Variants in FAM110B observed in about 807,000 individuals in gnomAD.
FAM110B encodes the protein protein FAM110B.
FAM110B carries 6 observed loss-of-function variants against 20.4 expected under a neutral mutation model. The observed-to-expected ratio is 0.29, with a 90% CI of 0.16 to 0.58. The LOEUF (loss-of-function observed/expected upper bound fraction) is 0.58, where lower values mean the gene tolerates loss of function less well. FAM110B is among the 20% of genes least tolerant of loss of function. The pLI, the probability that FAM110B is intolerant of heterozygous loss-of-function variation, is 0.90. For missense variants in FAM110B, 434 were observed against 498.2 expected (o/e 0.87, Z 1.23); for synonymous variants, 226 against 214.1 (o/e 1.06, Z -0.49).
At chr8:58,027,076 A>G (rs983687799) in intron 1 of FAM110B, among the ~76,000 whole-genome samples, 5 of 152,186 alleles carry the variant, frequency 3.3e-5, no homozygotes, top group African/African-American at 1.2e-4. Flanking sequence ...CTTAGGCTAC[A>G]TCTTCCCTCT....
At chr8:58,057,126 C>T (rs2150583423) in intron 2 of FAM110B, among the ~76,000 whole-genome samples, 1 of 152,300 alleles carries the variant, frequency 6.6e-6, no homozygotes, top group East Asian at 1.9e-4. Context: ...ACTGCCACAA[C>T]AGCACACTCA....
At position 58,053,266 on chromosome 8, in the gene FAM110B, G is replaced by T. The variant is rs56215370; in HGVS notation, c.-414+21563G>T. On this transcript the variant is annotated intron_variant, in intron 2 of 3. Transcript: ENST00000519262. ...CAAGGGATGGTGGCTTGGGCCAGGGGTTGGCTGTCAGGTGGTGAGGAATGG... is the reference window on the plus strand; with the variant it reads ...CAAGGGATGGTGGCTTGGGCCAGGGTTTGGCTGTCAGGTGGTGAGGAATGG... 4.7e-3 allele frequency among the ~76,000 whole-genome samples: 721 copies of T among 152,354 alleles called. 2 individuals carry two copies. The highest frequency in any genetic ancestry group is 7.7e-3 in the Non-Finnish European group (521 of 68,030).
At chr8:58,056,930 C>G (rs542551188) in intron 2 of FAM110B, among the ~76,000 whole-genome samples, 1 of 152,222 alleles carries the variant, frequency 6.6e-6, no homozygotes, top group South Asian at 2.1e-4. Flanking sequence ...TCAGGTGGGA[C>G]GCAAGGCCGA....
chr8:58,064,275 C>T (rs1386644132), intron 2 of FAM110B, among the ~76,000 whole-genome samples: 1 of 152,172 alleles, frequency 6.6e-6, no homozygotes, highest in Non-Finnish European at 1.5e-5. Flanking sequence ...CCATGGTAAA[C>T]ACCTTTCTCT....
chr8:58,085,506 C>G (rs191063178), intron 3 of FAM110B, among the ~76,000 whole-genome samples: 1 of 152,324 alleles, frequency 6.6e-6, no homozygotes, highest in East Asian at 1.9e-4. Flanking sequence ...GAACGAGACT[C>G]TGTCTCAAGA....
At chr8:58,008,474 A>C (rs190226641) in intron 1 of FAM110B, among the ~76,000 whole-genome samples, 1 of 152,222 alleles carries the variant, frequency 6.6e-6, no homozygotes, top group East Asian at 1.9e-4. Context: ...TCTAATAGTT[A>C]TACATATTCA....
intron 3 of FAM110B, among the ~76,000 whole-genome samples, chr8:58,110,111 C>T (rs996788744): frequency 1.3e-5 from 2 of 152,070 alleles, no homozygotes; most frequent in Admixed American, 1.3e-4. Context: ...TGAGTTGGAC[C>T]TAGTGGGGAT....
intron 3 of FAM110B, among the ~76,000 whole-genome samples, chr8:58,083,845 A>G (rs776255012): frequency 1.3e-5 from 2 of 152,192 alleles, no homozygotes; most frequent in African/African-American, 2.4e-5. Context: ...TAAACACTCT[A>G]TATTTGAAAA....
At chr8:58,049,595 A>G (rs1397795504) in intron 2 of FAM110B, among the ~76,000 whole-genome samples, 4 of 152,122 alleles carry the variant, frequency 2.6e-5, no homozygotes, top group East Asian at 1.9e-4. Flanking sequence ...CTACACATAT[A>G]TAACTCCCTG....
chr8:58,051,418 A>G (rs1359984402), intron 2 of FAM110B, among the ~76,000 whole-genome samples: 1 of 152,184 alleles, frequency 6.6e-6, no homozygotes, highest in Admixed American at 6.5e-5. Flanking sequence ...GTGGTAAGGG[A>G]GATTTAGAAA....
At chr8:58,000,660 G>T (rs1483532257) in intron 1 of FAM110B, among the ~76,000 whole-genome samples, 2 of 152,280 alleles carry the variant, frequency 1.3e-5, no homozygotes, top group East Asian at 1.9e-4. Flanking sequence ...TACCACGGGG[G>T]CCACCATTTC....
At chr8:58,006,285 C>T (rs1804399282) in intron 1 of FAM110B, among the ~76,000 whole-genome samples, 1 of 152,178 alleles carries the variant, frequency 6.6e-6, no homozygotes, top group African/African-American at 2.4e-5. Flanking sequence ...CTTTTAGACT[C>T]ACTTGTTTAG....
chr8:58,044,603 G>C (rs1805286434), intron 2 of FAM110B, among the ~76,000 whole-genome samples: 2 of 152,214 alleles, frequency 1.3e-5, no homozygotes, highest in Non-Finnish European at 2.9e-5. Flanking sequence ...ATGGACCTTA[G>C]TAGCCAGACT....
At chr8:58,065,044 G>A (rs930056891) in intron 2 of FAM110B, among the ~76,000 whole-genome samples, 1 of 152,128 alleles carries the variant, frequency 6.6e-6, no homozygotes, top group Admixed American at 6.5e-5. Context: ...TTACATACTT[G>A]TTTAGATTAA....
intron 3 of FAM110B, among the ~76,000 whole-genome samples, chr8:58,122,122 A>G (rs1203378022): frequency 2.6e-5 from 4 of 152,210 alleles, no homozygotes; most frequent in African/African-American, 9.7e-5. Context: ...ATAAAACTGT[A>G]GGTTAATGAT....
At chr8:58,058,292 G>T (rs1252071192) in intron 2 of FAM110B, among the ~76,000 whole-genome samples, 2 of 150,776 alleles carry the variant, frequency 1.3e-5, no homozygotes, top group African/African-American at 4.9e-5. Context: ...TTGACCTCAA[G>T]ATGCTTAGCT....
chr8:58,075,980 A>G (rs1415671542), intron 3 of FAM110B, among the ~76,000 whole-genome samples: 8 of 152,028 alleles, frequency 5.3e-5, no homozygotes, highest in East Asian at 1.9e-4. Context: ...TTTTTTGTCA[A>G]TGATGGGGTT....
chr8:58,124,390 A>C (rs909549131), intron 3 of FAM110B, among the ~76,000 whole-genome samples: 2 of 152,222 alleles, frequency 1.3e-5, no homozygotes, highest in Non-Finnish European at 2.9e-5. Flanking sequence ...TGCACTGTCT[A>C]CCAGAAATGC....
At chr8:57,995,631 C>G (rs1804169590) in intron 1 of FAM110B, among the ~76,000 whole-genome samples, 1 of 152,146 alleles carries the variant, frequency 6.6e-6, no homozygotes, top group South Asian at 2.1e-4. Context: ...CTCCCTTAAG[C>G]TGGCTCGTGG....
Sources: gnomAD v4.1 joint callset for allele counts (sites outside exome capture counted in the v4.1 genomes callset) on GRCh38, gnomAD v4.1.1 for gene constraint, MANE v1.5 for transcripts, NCBI Gene and HGNC (gene_info 2026-07-23, HGNC 2026-07-21) for gene names.